Variants in CCDC181 observed in about 807,000 individuals in gnomAD.
CCDC181 encodes coiled-coil domain-containing protein 181.
In CCDC181, 35 loss-of-function variants were observed where a neutral mutation model predicts 58.7. That is an observed-to-expected ratio of 0.60 (90% CI 0.46 to 0.79). CCDC181 has a LOEUF of 0.79. Among genes scored for constraint, CCDC181 ranks in the 30% least tolerant of loss-of-function variants. CCDC181 has a pLI of 0.00. For synonymous variants in CCDC181, 183 were observed against 197.5 expected, an observed-to-expected ratio of 0.93 and a Z score of 0.62; for missense variants, 517 against 583.9, an observed-to-expected ratio of 0.89 and a Z score of 1.18.
intron 5 of CCDC181, among the ~76,000 whole-genome samples, chr1:169,396,847 G>C (rs1655061950): frequency 6.6e-6 from 1 of 152,018 alleles, no homozygotes; most frequent in South Asian, 2.1e-4. Context: ...AACTTTTATT[G>C]GTTGCATTTA....
intron 2 of CCDC181, among the ~76,000 whole-genome samples, chr1:169,434,901 G>A (rs1657013973): frequency 6.6e-6 from 1 of 152,054 alleles, no homozygotes; most frequent in African/African-American, 2.4e-5. Flanking sequence ...CAAAATCTTA[G>A]AGACAGAAAG....
At chr1:169,397,508 C>A in intron 4 of CCDC181, 117 bp from the exon 5 acceptor site, 1 of 853,048 alleles carries the variant, frequency 1.2e-6, no homozygotes, top group Non-Finnish European at 1.7e-6. Context: ...ATAATAATGC[C>A]AGCCTCATTA....
intron 4 of CCDC181, among the ~76,000 whole-genome samples, chr1:169,407,111 C>G (rs1293942342): frequency 6.8e-6 from 1 of 146,960 alleles, no homozygotes; most frequent in Non-Finnish European, 1.5e-5. Context: ...TTTCCCAAAT[C>G]TGGTACAAAA....
Position 169,441,401 on chromosome 1 carries a change from GA to G in CCDC181, c.-23-16452del, listed in dbSNP as rs1657226067. Among the ~76,000 whole-genome samples the G allele has an allele frequency of 2.0e-5, 3 of 152,092 alleles. No individual in the cohort carries two copies. In the South Asian group the frequency reaches 6.2e-4, roughly 32 times the overall value. On this transcript the variant is annotated intron_variant, in intron 2 of 6. Coordinates refer to the CCDC181 transcript ENST00000545005. ...AAAGTGCAGAACTCTAGTAAATTAG[GA>G]TAATCAGAGGCACCATGAAAACACA...
chr1:169,404,514 A>G (rs577160280), intron 4 of CCDC181, among the ~76,000 whole-genome samples: 1 of 152,338 alleles, frequency 6.6e-6, no homozygotes, highest in East Asian at 1.9e-4. Flanking sequence ...ACGTATGCAA[A>G]TCAATAAACG....
rs776723971 is a variant in CCDC181 at position 169,419,077 on chromosome 1, C to A, written c.1151G>T (p.Arg384Ile). 1 of 1,613,762 alleles carries A rather than the reference C, an allele frequency of 6.2e-7. No individual in the cohort carries two copies. Among genetic ancestry groups the A allele is most frequent in the South Asian group, 1.1e-5 (1 of 91,074 alleles). Residue 384 changes from arginine (R) to isoleucine (I), a missense_variant, in exon 4 of 6, where the codon AGA becomes ATA. By Grantham distance (97) the Arg-to-Ile change is moderately conservative. Coordinates refer to ENST00000367806, the MANE Select transcript of CCDC181 (RefSeq NM_001300969.2). ...TCTCCTCATTTCTAAGACCTGCTCT[C>A]TTTTCTTTTGCAACCACGCTTTAAA... ...IVFKAWLQKKREQVLEMRRIQ... is the reference protein window; with the variant it reads ...IVFKAWLQKKIEQVLEMRRIQ...
upstream of CCDC181, among the ~76,000 whole-genome samples, chr1:169,430,970 C>T (rs1271120312): frequency 1.3e-5 from 2 of 152,178 alleles, no homozygotes; most frequent in African/African-American, 4.8e-5. Context: ...ACATTACACT[C>T]CTATGCTCTT....
chr1:169,403,504 A>T (rs936822655), intron 4 of CCDC181, among the ~76,000 whole-genome samples: 13 of 152,216 alleles, frequency 8.5e-5, no homozygotes, highest in African/African-American at 3.1e-4. Context: ...GGCTTAAGAA[A>T]CTCACTCAAA....
chr1:169,398,690 C>CATTA (rs2102039182), intron 4 of CCDC181, among the ~76,000 whole-genome samples: 1 of 152,336 alleles, frequency 6.6e-6, no homozygotes, highest in South Asian at 2.1e-4. Context: ...AAGTGCTTAA[C>CATTA]AGACACACAT....
At chr1:169,413,177 AAAAC>A (rs1656054380) in intron 4 of CCDC181, among the ~76,000 whole-genome samples, 1 of 152,220 alleles carries the variant, frequency 6.6e-6, no homozygotes, top group Non-Finnish European at 1.5e-5. Flanking sequence ...TTTACAACAA[AAAAC>A]AAACAACCCC....
intron 2 of CCDC181, among the ~76,000 whole-genome samples, chr1:169,456,539 T>G (rs1198807488): frequency 6.6e-6 from 1 of 152,114 alleles, no homozygotes; most frequent in Admixed American, 6.6e-5. Context: ...GGGCCTGCAC[T>G]CATGAAAAAA....
chr1:169,456,816 C>A (rs561232067), intron 2 of CCDC181, among the ~76,000 whole-genome samples: 2 of 152,218 alleles, frequency 1.3e-5, no homozygotes, highest in Admixed American at 6.5e-5. Flanking sequence ...TTTAGGTATT[C>A]TGTTATAAAC....
intron 2 of CCDC181, among the ~76,000 whole-genome samples, chr1:169,441,042 T>G (rs1278877583): frequency 1.3e-5 from 2 of 152,056 alleles, no homozygotes; most frequent in Non-Finnish European, 2.9e-5. Flanking sequence ...AATGCAATTC[T>G]GATCTGTGAA....
intron 4 of CCDC181, among the ~76,000 whole-genome samples, chr1:169,398,228 C>T (rs1445455357): frequency 6.6e-6 from 1 of 152,098 alleles, no homozygotes; most frequent in African/African-American, 2.4e-5. Context: ...TTCTGGTGTT[C>T]TATTACACAG....
chr1:169,431,335 G>C (rs1273434980), upstream of CCDC181, among the ~76,000 whole-genome samples: 1 of 152,034 alleles, frequency 6.6e-6, no homozygotes, highest in African/African-American at 2.4e-5. Flanking sequence ...TCTCTTGCCT[G>C]GTTGGGATAT....
rs746280902 is a variant in CCDC181 at position 169,419,047 on chromosome 1, T to G, written c.1181A>C (p.Gln394Pro). ...REQVLEMRRI[Q>P]RAKEIEDMNS... ...CATGTCTTCAATTTCCTTTGCTCGC[T>G]GAATTCTCCTCATTTCTAAGACCTG... The change falls in exon 4 of 6, where the codon CAG (glutamine) becomes CCG (proline). Residue 394 changes from glutamine (Q) to proline (P), a missense_variant. Gln to Pro is a moderately conservative substitution (Grantham distance 76). Transcript: ENST00000367806. The G allele has an allele frequency of 1.5e-5, 24 of 1,613,650 alleles. No homozygotes were observed. The highest frequency in any genetic ancestry group is 1.9e-5 in the Non-Finnish European group (22 of 1,179,916).
chr1:169,398,161 A>G (rs866392588), intron 4 of CCDC181, among the ~76,000 whole-genome samples: 3 of 152,184 alleles, frequency 2.0e-5, no homozygotes, highest in East Asian at 1.9e-4. Flanking sequence ...AAAATGTTCA[A>G]TCGGGAGTTA....
At chr1:169,425,928 A>G (rs1656690714) in intron 1 of CCDC181, among the ~76,000 whole-genome samples, 1 of 151,776 alleles carries the variant, frequency 6.6e-6, no homozygotes, top group African/African-American at 2.4e-5. Context: ...TTTATTGTTT[A>G]CAGAGAATCA....
At chr1:169,445,299 T>G (rs2101751608) in intron 2 of CCDC181, among the ~76,000 whole-genome samples, 1 of 152,182 alleles carries the variant, frequency 6.6e-6, no homozygotes, top group East Asian at 1.9e-4. Context: ...CTTTAGAAAG[T>G]TTGAGCAAAT....
Sources: allele counts gnomAD v4.1 joint callset (sites outside exome capture counted in the v4.1 genomes callset), GRCh38; gene constraint gnomAD v4.1.1; transcripts MANE v1.5; gene names NCBI Gene and HGNC (gene_info 2026-07-23, HGNC 2026-07-21).